Variants in MYT1L observed in about 807,000 individuals in gnomAD.
MYT1L encodes the protein myelin transcription factor 1 like.
Under a neutral mutation model 126.7 loss-of-function variants are expected in MYT1L, and 12 were observed. That is an observed-to-expected ratio of 0.09 (90% CI 0.06 to 0.15). The LOEUF is 0.15. Among genes scored for constraint, MYT1L ranks in the 10% least tolerant of loss-of-function variants. The pLI, the probability that MYT1L is intolerant of heterozygous loss-of-function variation, is 1.00. For missense variants in MYT1L, 979 were observed against 1,585.2 expected, an observed-to-expected ratio of 0.62 and a Z score of 6.49; for synonymous variants, 541 against 604.2, an observed-to-expected ratio of 0.90 and a Z score of 1.53.
chr2:1,860,022 C>A (rs1463827089), intron 18 of MYT1L, among the ~76,000 whole-genome samples: 1 of 152,248 alleles, frequency 6.6e-6, no homozygotes, highest in African/African-American at 2.4e-5. Context: ...TGTTTCCCGA[C>A]CATGCAGCCT....
Position 1,970,280 on chromosome 2 carries a change from G to A in MYT1L, c.152+8885C>T, listed in dbSNP as rs146538257. ...GTGGACAGCCCCAGATAGGGGACTC[G>A]AAGAGCCGGGTCCCAGCGATGCTCA... On this transcript the variant is annotated intron_variant, in intron 8 of 24. Transcript: ENST00000647738. 1.1e-4 allele frequency among the ~76,000 whole-genome samples: 16 copies of A among 152,266 alleles called. No individual in the cohort carries two copies. In the East Asian group the frequency reaches 2.3e-3, roughly 22 times the overall value.
intron 9 of MYT1L, among the ~76,000 whole-genome samples, chr2:1,933,225 C>A (rs1053907012): frequency 2.0e-5 from 3 of 151,480 alleles, no homozygotes; most frequent in African/African-American, 4.9e-5. Flanking sequence ...CTGCAGAGAA[C>A]CCAGGTGAGA....
rs927368379 is a variant in MYT1L at position 1,811,202 on chromosome 2, G to T, written c.3081-2035C>A. On this transcript the variant is annotated intron_variant, in intron 21 of 24. Coordinates refer to ENST00000647738, the MANE Select transcript of MYT1L (RefSeq NM_001303052.2). The surrounding 1 kb of genome is among the most constrained non-coding windows in gnomAD (Gnocchi z 4.4). Reference sequence around the variant, plus strand: ...AATTTCTGGTTTCTATGCTGCCCAAGGTATGGTATTTGTTTTTGCAGCCCT... The same window carrying T: ...AATTTCTGGTTTCTATGCTGCCCAATGTATGGTATTTGTTTTTGCAGCCCT... 6.6e-6 allele frequency: 1 copy of T among 152,266 alleles called. No homozygotes were observed. Among genetic ancestry groups the T allele is most frequent in the East Asian group, 1.9e-4 (1 of 5,180 alleles). The allele number at this position is 152,266 out of a possible 1,614,324, so 9.4% of individuals were successfully genotyped here. A position where few individuals can be genotyped will look rare whatever the true frequency, so the allele number is the denominator to read the frequency against.
Position 1,979,069 on chromosome 2 carries a change from C to G in MYT1L, c.152+96G>C. On this transcript the variant is annotated intron_variant, in intron 8 of 24. Coordinates refer to ENST00000647738, the MANE Select transcript of MYT1L (RefSeq NM_001303052.2). This position sits in a 1 kb window ranked among gnomAD's most constrained non-coding sequence, Gnocchi z 4.0. ...AAGAAGGCATAATGTGTATTGCTTT[C>G]CAAGAACACCTGCTCACACAGTTCA... 2.0e-6 allele frequency: 2 copies of G among 991,850 alleles called. No homozygotes were observed. Among genetic ancestry groups the G allele is most frequent in the Non-Finnish European group, 3.1e-6 (2 of 647,150 alleles). 61.4% of individuals were successfully genotyped at this position (991,850 alleles called of 1,614,324 possible).
In MYT1L at chr2:1,811,965, T is replaced by C. The variant is rs908127770; in HGVS notation, c.3081-2798A>G. On this transcript the variant is annotated intron_variant, in intron 21 of 24. Coordinates refer to ENST00000647738, the MANE Select transcript of MYT1L (RefSeq NM_001303052.2). This position sits in a 1 kb window ranked among gnomAD's most constrained non-coding sequence, Gnocchi z 4.4. The stretch of plus-strand genomic sequence containing the variant: ...CTGCTTCTGAAGGCGAGCTGGATAT[T>C]TTCATTTGTAAAATAAGAAGTTCTC... Among the ~76,000 whole-genome samples, 1 of 152,228 alleles carries C rather than the reference T, an allele frequency of 6.6e-6. No homozygotes were observed. Among genetic ancestry groups the C allele is most frequent in the South Asian group, 2.1e-4 (1 of 4,828 alleles).
Position 2,106,844 on chromosome 2 carries a change from C to T in MYT1L, c.-303-52721G>A, listed in dbSNP as rs1397750983. Among the ~76,000 whole-genome samples, 6 of 152,308 alleles carry T rather than the reference C, an allele frequency of 3.9e-5. No homozygotes were observed. In the East Asian group the frequency reaches 1.2e-3, roughly 29 times the overall value. On this transcript the variant is annotated intron_variant, in intron 3 of 24. Coordinates refer to ENST00000647738, the MANE Select transcript of MYT1L (RefSeq NM_001303052.2). ...CAAGGTGGTGGTTACTATGTGCCCC[C>T]AAACCTGTCCCCAGAGCAGACATCC...
intron 21 of MYT1L, among the ~76,000 whole-genome samples, chr2:1,817,769 C>T (rs2037910408): frequency 3.3e-5 from 5 of 152,180 alleles, no homozygotes; most frequent in Admixed American, 3.3e-4. Context: ...CCAAGGAGGT[C>T]AGCCCACGGC....
intron 3 of MYT1L, among the ~76,000 whole-genome samples, chr2:2,117,690 C>T (rs747628289): frequency 2.6e-5 from 4 of 151,988 alleles, no homozygotes; most frequent in African/African-American, 4.8e-5. Flanking sequence ...ATTAACTTAA[C>T]GGAATAAGAA....
intron 3 of MYT1L, among the ~76,000 whole-genome samples, chr2:2,086,946 C>T (rs1369287441): frequency 1.3e-5 from 2 of 152,168 alleles, no homozygotes. Context: ...ATTCTCAAAG[C>T]AAAATCAATT....
intron 4 of MYT1L, among the ~76,000 whole-genome samples, chr2:2,023,447 T>A (rs143156766): frequency 4.6e-5 from 7 of 152,254 alleles, no homozygotes; most frequent in Non-Finnish European, 8.8e-5. Flanking sequence ...CAAAATTGTG[T>A]GGGCAATCTC....
chr2:1,894,591 A>G (rs1332395247), intron 14 of MYT1L, among the ~76,000 whole-genome samples: 4 of 144,608 alleles, frequency 2.8e-5, no homozygotes, highest in South Asian at 2.2e-4. Context: ...CTGGTTTAGG[A>G]AAAAAAAAAA....
intron 8 of MYT1L, among the ~76,000 whole-genome samples, chr2:1,963,770 A>G (rs1478733557): frequency 1.3e-5 from 2 of 152,208 alleles, no homozygotes; most frequent in East Asian, 3.8e-4. Flanking sequence ...CCTTCACAGA[A>G]CTGAAGAGAG....
chr2:1,874,131 C>T (rs2046586986), intron 18 of MYT1L, among the ~76,000 whole-genome samples: 1 of 151,918 alleles, frequency 6.6e-6, no homozygotes, highest in Non-Finnish European at 1.5e-5. Context: ...TTCTCAGCAA[C>T]CCAATATTCT....
intron 3 of MYT1L, among the ~76,000 whole-genome samples, chr2:2,122,305 C>T (rs929753194): frequency 6.6e-6 from 1 of 152,162 alleles, no homozygotes; most frequent in Non-Finnish European, 1.5e-5. Context: ...GGGAACACTG[C>T]AGCCCCTCTC....
At chr2:2,280,864 A>G (rs2095437690) in intron 2 of MYT1L, among the ~76,000 whole-genome samples, 1 of 152,198 alleles carries the variant, frequency 6.6e-6, no homozygotes, top group East Asian at 1.9e-4. Flanking sequence ...AAAGATTTCT[A>G]ATTCCTTCAT....
At chr2:2,292,982 T>C (rs574891635) in intron 1 of MYT1L, among the ~76,000 whole-genome samples, 2 of 152,296 alleles carry the variant, frequency 1.3e-5, no homozygotes, top group South Asian at 4.1e-4. Flanking sequence ...TTCCTCTGTC[T>C]TGCATGTTTA....
intron 3 of MYT1L, among the ~76,000 whole-genome samples, chr2:2,128,974 C>T (rs1051861575): frequency 6.6e-6 from 1 of 152,218 alleles, no homozygotes; most frequent in Admixed American, 6.5e-5. Flanking sequence ...AAGAGAGACT[C>T]TTCCAAGGAA....
intron 21 of MYT1L, among the ~76,000 whole-genome samples, chr2:1,820,081 G>C (rs1411773944): frequency 3.3e-5 from 5 of 152,116 alleles, no homozygotes; most frequent in Non-Finnish European, 7.3e-5. Flanking sequence ...GGAGGAATGA[G>C]GGAGTACAGC....
intron 2 of MYT1L, among the ~76,000 whole-genome samples, chr2:2,255,477 G>A (rs886170435): frequency 1.3e-5 from 2 of 152,176 alleles, no homozygotes; most frequent in African/African-American, 4.8e-5. Context: ...CTAGAAGGGA[G>A]GGGAGAAAGG....
Sources: gnomAD v4.1 joint callset for allele counts (sites outside exome capture counted in the v4.1 genomes callset) on GRCh38, gnomAD v4.1.1 for gene constraint, Gnocchi (gnomAD v3.1) non-coding constraint, MANE v1.5 for transcripts, NCBI Gene and HGNC (gene_info 2026-07-23, HGNC 2026-07-21) for gene names.